PRDM1: variants seen among roughly 807,000 people sequenced by gnomAD.
The protein encoded by PRDM1 is PR/SET domain 1, also known as PR domain zinc finger protein 1.
PRDM1 carries 13 observed loss-of-function variants against 62.8 expected under a neutral mutation model. That is an observed-to-expected ratio of 0.21 (90% CI 0.13 to 0.33). The LOEUF is 0.33. Ranked by LOEUF, PRDM1 falls within the 10% of genes least tolerant of loss-of-function variation. The pLI is 1.00. For missense variants in PRDM1, 895 were observed against 1,058.8 expected (o/e 0.85, Z 2.15); for synonymous variants, 396 against 417.6 (o/e 0.95, Z 0.63).
chr6:106,098,667 C>G (rs1481386993), intron 3 of PRDM1: 5 of 1,351,814 alleles, frequency 3.7e-6, no homozygotes, highest in Non-Finnish European at 4.9e-6. Flanking sequence ...CGAGTGTTCG[C>G]TTTGTTATGG....
At chr6:106,086,153 A>G (rs1399584712), upstream of PRDM1, among the ~76,000 whole-genome samples, 5 of 152,200 alleles carry the variant, frequency 3.3e-5, no homozygotes, top group African/African-American at 1.2e-4. Context: ...AAGGGAAGTA[A>G]GAAGATTCCA....
intron 1 of PRDM1, among the ~76,000 whole-genome samples, chr6:106,054,331 C>A (rs1773229892): frequency 6.7e-6 from 1 of 150,326 alleles, no homozygotes; most frequent in Non-Finnish European, 1.5e-5. Flanking sequence ...ATTTAAAAAT[C>A]TTTTGTGTGT....
At chr6:106,041,809 CTTTT>C (rs537352355) in intron 1 of PRDM1, among the ~76,000 whole-genome samples, 1 of 129,866 alleles carries the variant, frequency 7.7e-6, no homozygotes, top group Non-Finnish European at 1.7e-5. Context: ...GTATTTCTTT[CTTTT>C]TTTTTTTTTT....
At chr6:105,995,036 C>A (rs1304984922) in intron 1 of PRDM1, among the ~76,000 whole-genome samples, 1 of 152,184 alleles carries the variant, frequency 6.6e-6, no homozygotes, top group Non-Finnish European at 1.5e-5. Flanking sequence ...GCGCACTTCC[C>A]GGTTTTGAAA....
chr6:106,009,548 G>T (rs1311789191), intron 1 of PRDM1, among the ~76,000 whole-genome samples: 1 of 151,964 alleles, frequency 6.6e-6, no homozygotes, highest in African/African-American at 2.4e-5. Context: ...GGGTGTGCAA[G>T]AAATCTACCT....
At chr6:106,037,215 A>G (rs564854648) in intron 1 of PRDM1, among the ~76,000 whole-genome samples, 1 of 152,288 alleles carries the variant, frequency 6.6e-6, no homozygotes, top group African/African-American at 2.4e-5. Context: ...TACATTGAAT[A>G]TACTAGCTCA....
At chr6:106,056,666 T>A (rs979397624) in intron 1 of PRDM1, among the ~76,000 whole-genome samples, 11 of 152,232 alleles carry the variant, frequency 7.2e-5, no homozygotes, top group Non-Finnish European at 1.3e-4. Flanking sequence ...TTTTCTTAAT[T>A]GCAGTTTGAG....
At chr6:106,022,953 A>T (rs992168769) in intron 1 of PRDM1, among the ~76,000 whole-genome samples, 1 of 152,174 alleles carries the variant, frequency 6.6e-6, no homozygotes, top group South Asian at 2.1e-4. Context: ...TTTGCCCTTC[A>T]GTCTAAATGG....
intron 1 of PRDM1, among the ~76,000 whole-genome samples, chr6:106,053,468 A>G (rs1448856538): frequency 6.6e-6 from 1 of 151,822 alleles, no homozygotes; most frequent in East Asian, 1.9e-4. Context: ...AACACAGTTG[A>G]GACCCCAATT....
At chr6:106,007,825 G>C (rs960960927) in intron 1 of PRDM1, among the ~76,000 whole-genome samples, 10 of 152,082 alleles carry the variant, frequency 6.6e-5, no homozygotes, top group Admixed American at 3.9e-4. Context: ...ACTTTCTCCA[G>C]CTCCAAGCTC....
At chr6:106,018,718 T>G (rs1269813321) in intron 1 of PRDM1, among the ~76,000 whole-genome samples, 1 of 152,176 alleles carries the variant, frequency 6.6e-6, no homozygotes, top group Non-Finnish European at 1.5e-5. Flanking sequence ...ACAGGTAAAG[T>G]GCTATTTCAT....
At chr6:106,038,351 C>A (rs1345188330) in intron 1 of PRDM1, among the ~76,000 whole-genome samples, 1 of 152,044 alleles carries the variant, frequency 6.6e-6, no homozygotes, top group Non-Finnish European at 1.5e-5. Context: ...CAAGGATCAG[C>A]CTGAGGTATA....
At chr6:106,015,087 G>A (rs766227986) in intron 1 of PRDM1, among the ~76,000 whole-genome samples, 1 of 152,190 alleles carries the variant, frequency 6.6e-6, no homozygotes, top group Non-Finnish European at 1.5e-5. Flanking sequence ...GGTTCCCTTT[G>A]CTGGGATGGA....
intron 1 of PRDM1, among the ~76,000 whole-genome samples, chr6:105,997,157 A>G (rs932303191): frequency 6.6e-6 from 1 of 152,228 alleles, no homozygotes; most frequent in Non-Finnish European, 1.5e-5. Flanking sequence ...CAGCCGTCCA[A>G]ATGAATGGGC....
At chr6:106,001,899 T>C (rs997762666) in intron 1 of PRDM1, among the ~76,000 whole-genome samples, 9 of 152,192 alleles carry the variant, frequency 5.9e-5, no homozygotes, top group Non-Finnish European at 1.2e-4. Flanking sequence ...ATATCCACAA[T>C]AACTTTTTGT....
chr6:106,088,256 C>T lies in PRDM1; in HGVS notation c.98C>T (p.Thr33Ile), dbSNP rs568991331. 1.2e-6 allele frequency: 2 copies of T among 1,613,972 alleles called. No homozygotes were observed. The highest frequency in any genetic ancestry group is 1.3e-5 in the African/African-American group (1 of 74,954). ...AGGTTTCAGGGATTGGCAGAGGGGACCAAGGGGACCATGAAAATGGACATG... is the reference window on the plus strand; with the variant it reads ...AGGTTTCAGGGATTGGCAGAGGGGATCAAGGGGACCATGAAAATGGACATG... ...TVRFQGLAEGTKGTMKMDMED... is the reference protein window; with the variant it reads ...TVRFQGLAEGIKGTMKMDMED... The change falls in exon 2 of 7, where the codon ACC becomes ATC. Residue 33 changes from threonine (T) to isoleucine (I), a missense_variant. Transcript: ENST00000369096.
intron 1 of PRDM1, among the ~76,000 whole-genome samples, chr6:106,079,079 G>A (rs926504963): frequency 6.6e-6 from 1 of 151,838 alleles, no homozygotes; most frequent in Non-Finnish European, 1.5e-5. Flanking sequence ...TCGTGTCTCA[G>A]CCTCCCGAGT....
chr6:106,024,454 G>A (rs1015147642), intron 1 of PRDM1, among the ~76,000 whole-genome samples: 3 of 152,332 alleles, frequency 2.0e-5, no homozygotes, highest in Admixed American at 2.0e-4. Flanking sequence ...TTTGCATGGT[G>A]TGGTAACGAT....
intron 2 of PRDM1, among the ~76,000 whole-genome samples, chr6:106,092,640 A>G (rs911808615): frequency 4.6e-5 from 7 of 152,200 alleles, no homozygotes; most frequent in Admixed American, 3.3e-4. Context: ...GTAGTCTAAG[A>G]TGCACATTCT....
Sources: allele counts gnomAD v4.1 joint callset (sites outside exome capture counted in the v4.1 genomes callset), GRCh38; gene constraint gnomAD v4.1.1; transcripts MANE v1.5; gene names NCBI Gene and HGNC (gene_info 2026-07-23, HGNC 2026-07-21).